Variants in ATP2B2 observed in about 807,000 individuals in gnomAD.
ATP2B2 encodes plasma membrane calcium-transporting ATPase 2.
ATP2B2 carries 15 observed loss-of-function variants against 120.0 expected under a neutral mutation model. The ratio of observed to expected loss-of-function variants is 0.12; its 90% CI spans 0.08 to 0.19. The LOEUF is 0.19. ATP2B2 is among the 10% of genes least tolerant of loss of function. ATP2B2 has a pLI of 1.00. For synonymous variants in ATP2B2, 694 were observed against 700.3 expected, an observed-to-expected ratio of 0.99 and a Z score of 0.14; for missense variants, 1,045 against 1,719.8, an observed-to-expected ratio of 0.61 and a Z score of 6.94.
intron 2 of ATP2B2, among the ~76,000 whole-genome samples, chr3:10,581,990 C>G (rs942308570): frequency 6.6e-6 from 1 of 152,202 alleles, no homozygotes. Context: ...CCACACTGGT[C>G]GGAATTTGCT....
intron 2 of ATP2B2, among the ~76,000 whole-genome samples, chr3:10,545,128 A>C (rs373350025): frequency 1.8e-4 from 27 of 152,368 alleles, no homozygotes; most frequent in Middle Eastern, 6.8e-3. Context: ...AGAAAGTCGG[A>C]AAGAAGCGAG....
At chr3:10,505,902 C>G (rs1392293359), upstream of ATP2B2, among the ~76,000 whole-genome samples, 6 of 152,116 alleles carry the variant, frequency 3.9e-5, no homozygotes, top group East Asian at 5.8e-4. Context: ...AATATGCCCG[C>G]TCCCCAGAAG....
chr3:10,435,143 C>A (rs1371038663), intron 2 of ATP2B2, among the ~76,000 whole-genome samples: 3 of 152,194 alleles, frequency 2.0e-5, no homozygotes, highest in Admixed American at 6.5e-5. Flanking sequence ...TCCTCACATG[C>A]AAAATGGGGG....
At chr3:10,440,316 T>C (rs2063621435) in intron 2 of ATP2B2, among the ~76,000 whole-genome samples, 1 of 152,072 alleles carries the variant, frequency 6.6e-6, no homozygotes, top group Non-Finnish European at 1.5e-5. Context: ...TCCATGCACC[T>C]GGAGAAGGCT....
chr3:10,369,615 T>G (rs2061168104), intron 12 of ATP2B2, among the ~76,000 whole-genome samples: 1 of 152,246 alleles, frequency 6.6e-6, no homozygotes, highest in Non-Finnish European at 1.5e-5. Context: ...TGGGTGATTT[T>G]ATTGCTGAAT....
At position 10,457,491 on chromosome 3, in the gene ATP2B2, G is replaced by A. The variant is rs143237431; in HGVS notation, c.-319-7629C>T. On this transcript the variant is annotated intron_variant, in intron 1 of 22. Transcript: ENST00000360273. ...TGATGTATCAGTGGACATGTGGTTG[G>A]TGTGAGTGACCCCAAAGGACAAGGT... Among the ~76,000 whole-genome samples, 1,291 of 152,046 alleles carry A rather than the reference G, an allele frequency of 8.5e-3. 43 individuals carry two copies. Among genetic ancestry groups the A allele is most frequent in the South Asian group, 0.021 (102 of 4,802 alleles).
intron 2 of ATP2B2, among the ~76,000 whole-genome samples, chr3:10,580,557 T>C (rs927965391): frequency 6.6e-6 from 1 of 152,118 alleles, no homozygotes; most frequent in African/African-American, 2.4e-5. Context: ...AAATGCTCAG[T>C]GCGGCTCCTC....
In ATP2B2 at chr3:10,449,740, C is replaced by T. The variant is rs2063967874; in HGVS notation, c.-197G>A. 5.9e-6 allele frequency: 4 copies of T among 678,402 alleles called. No individual in the cohort carries two copies. The highest frequency in any genetic ancestry group is 1.1e-5 in the Non-Finnish European group (4 of 379,050). 42.0% of individuals were successfully genotyped at this position (678,402 alleles called of 1,614,324 possible). A position where few individuals can be genotyped will look rare whatever the true frequency, so the allele number is the denominator to read the frequency against. ...GTGGTGGTGAGCTCCAAGAGGTGTC[C>T]TCCGGTGTGGGACGAGGTCCAGGGG... On this transcript the variant is annotated 5_prime_UTR_variant, in exon 2 of 23. Transcript: ENST00000360273.
chr3:10,488,804 C>T (rs1419670402), intron 1 of ATP2B2, among the ~76,000 whole-genome samples: 1 of 152,142 alleles, frequency 6.6e-6, no homozygotes, highest in African/African-American at 2.4e-5. Context: ...GCAGTAGCCT[C>T]CTTCCTGCTC....
intron 21 of ATP2B2, among the ~76,000 whole-genome samples, chr3:10,339,994 G>A (rs988121874): frequency 6.6e-6 from 1 of 152,236 alleles, no homozygotes; most frequent in Non-Finnish European, 1.5e-5. Flanking sequence ...AAAAGCTGAC[G>A]TGATTGAGAG....
intron 3 of ATP2B2, among the ~76,000 whole-genome samples, chr3:10,515,343 G>T (rs1029414218): frequency 3.1e-4 from 47 of 152,148 alleles, no homozygotes; most frequent in Admixed American, 3.0e-3. Context: ...TTCTGCAAAG[G>T]TGACAACACT....
At chr3:10,550,000 AT>A (rs1014557589) in intron 2 of ATP2B2, among the ~76,000 whole-genome samples, 9 of 152,202 alleles carry the variant, frequency 5.9e-5, no homozygotes, top group Non-Finnish European at 1.3e-4. Flanking sequence ...CTGACTCCAA[AT>A]CCTATATATT....
chr3:10,511,985 A>AG (rs1438304896), intron 3 of ATP2B2, among the ~76,000 whole-genome samples: 1 of 152,166 alleles, frequency 6.6e-6, no homozygotes, highest in African/African-American at 2.4e-5. Flanking sequence ...ATGTCAGAAG[A>AG]GGAAAGGGAA....
chr3:10,406,969 G>C (rs372994732), intron 3 of ATP2B2, among the ~76,000 whole-genome samples: 18 of 152,360 alleles, frequency 1.2e-4, no homozygotes, highest in African/African-American at 4.3e-4. Context: ...CTTCTGGTGG[G>C]GGTGGTCAGC....
At chr3:10,670,179 A>T (rs536458664) in intron 1 of ATP2B2, among the ~76,000 whole-genome samples, 26 of 152,326 alleles carry the variant, frequency 1.7e-4, no homozygotes, top group African/African-American at 6.3e-4. Context: ...GTATTCCAGC[A>T]CGGTAATGAT....
In ATP2B2 at chr3:10,340,954, A is replaced by G. The variant is rs709641; in HGVS notation, c.2918-250T>C. ...AACTGTCTTCCACTTTTTCTGTGGAAACCCGATAAAGGTGGACGGCCGGCT... is the reference window on the plus strand; with the variant it reads ...AACTGTCTTCCACTTTTTCTGTGGAGACCCGATAAAGGTGGACGGCCGGCT... On this transcript the variant is annotated intron_variant, in intron 19 of 22. Transcript: ENST00000360273. The surrounding 1 kb of genome is among the most constrained non-coding windows in gnomAD (Gnocchi z 5.0). Among the ~76,000 whole-genome samples, 59,126 of 152,014 alleles carry G rather than the reference A, an allele frequency of 0.39. 13,197 individuals carry two copies. The highest frequency in any genetic ancestry group is 0.57 in the South Asian group (2,754 of 4,808).
At chr3:10,492,829 C>T (rs1400297514) in intron 1 of ATP2B2, among the ~76,000 whole-genome samples, 1 of 152,124 alleles carries the variant, frequency 6.6e-6, no homozygotes, top group African/African-American at 2.4e-5. Flanking sequence ...TACTGGTGTC[C>T]CTTTCACAGC....
rs74850340 is a variant in ATP2B2 at position 10,604,911 on chromosome 3, C to A, written c.-415+15006G>T. ...CCCCCTCCTCCATGTACAGCTTTCC[C>A]AGTGCATTCAACTGTTCTTGTTCTG... On this transcript the variant is annotated intron_variant, in intron 2 of 21. Transcript: ENST00000646379. 8.6e-4 allele frequency among the ~76,000 whole-genome samples: 131 copies of A among 152,300 alleles called. No individual in the cohort carries two copies. In the East Asian group the frequency reaches 0.019, roughly 23 times the overall value.
chr3:10,385,306 G>C lies in ATP2B2; in HGVS notation c.962C>G (p.Ser321Ter). The C allele has an allele frequency of 6.2e-7, 1 of 1,613,998 alleles. No homozygotes were observed. The highest frequency in any genetic ancestry group is 8.5e-7 in the Non-Finnish European group (1 of 1,180,014). ...GGCATTCGCACTATCTGCAGCATTT[G>C]AAGCTGCCGCACCGTCTGCTGCTGC... is the stretch of plus-strand genomic sequence containing the variant. ...QLPAADGAAA[S>*]NAADSANASL... The change falls in exon 8 of 23, where the codon TCA becomes TGA. Residue 321 changes from serine (S) to a stop codon, truncating the protein, a stop_gained. Coordinates refer to ENST00000360273, the MANE Select transcript of ATP2B2 (RefSeq NM_001001331.4). LOFTEE classifies it high-confidence loss of function.
Sources: gnomAD v4.1 joint callset for allele counts (sites outside exome capture counted in the v4.1 genomes callset) on GRCh38, gnomAD v4.1.1 for gene constraint, Gnocchi (gnomAD v3.1) non-coding constraint, MANE v1.5 for transcripts, NCBI Gene and HGNC (gene_info 2026-07-23, HGNC 2026-07-21) for gene names.